The following DLG2 variants were observed in gnomAD, a reference collection of about 807,000 sequenced individuals.
DLG2 encodes the protein disks large homolog 2.
A neutral mutation model predicts 132.5 loss-of-function variants in DLG2; 45 were observed. The observed-to-expected ratio is 0.34, with a 90% CI of 0.27 to 0.44. The LOEUF (loss-of-function observed/expected upper bound fraction) is 0.44, where lower values mean the gene tolerates loss of function less well. Ranked by LOEUF, DLG2 falls within the 20% of genes least tolerant of loss-of-function variation. The probability of loss-of-function intolerance (pLI) is 1.00; values close to 1 mark genes in which losing one functional copy is unlikely to be tolerated. For synonymous variants in DLG2, 424 were observed against 419.6 expected, an observed-to-expected ratio of 1.01 and a Z score of -0.13; for missense variants, 1,045 against 1,196.9, an observed-to-expected ratio of 0.87 and a Z score of 1.87.
intron 6 of DLG2, among the ~76,000 whole-genome samples, chr11:84,576,193 A>G (rs1327953767): frequency 1.3e-5 from 2 of 152,194 alleles, no homozygotes; most frequent in African/African-American, 2.4e-5. Context: ...CACTTTTTCA[A>G]TATGGTTATC....
intron 3 of DLG2, among the ~76,000 whole-genome samples, chr11:85,535,250 GA>G (rs964013698): frequency 6.6e-6 from 1 of 151,058 alleles, no homozygotes; most frequent in African/African-American, 2.4e-5. Flanking sequence ...ACTTTGAGGA[GA>G]AAAAAGAAAA....
At chr11:84,988,154 C>T (rs2154123372) in intron 6 of DLG2, among the ~76,000 whole-genome samples, 1 of 152,304 alleles carries the variant, frequency 6.6e-6, no homozygotes, top group East Asian at 1.9e-4. Flanking sequence ...CTCAACGTCA[C>T]TAATGATCAG....
chr11:84,099,749 A>G (rs1446634468), intron 9 of DLG2, among the ~76,000 whole-genome samples: 1 of 147,564 alleles, frequency 6.8e-6, no homozygotes, highest in African/African-American at 2.5e-5. Context: ...GTATATATAT[A>G]TACATATATA....
At chr11:83,829,644 T>C (rs537401824) in intron 17 of DLG2, among the ~76,000 whole-genome samples, 63 of 152,350 alleles carry the variant, frequency 4.1e-4, no homozygotes, top group African/African-American at 1.5e-3. Context: ...GCTTTCCACA[T>C]TGTAATGTTT....
chr11:84,707,857 T>C (rs1014379379), intron 6 of DLG2, among the ~76,000 whole-genome samples: 2 of 151,860 alleles, frequency 1.3e-5, no homozygotes, highest in Non-Finnish European at 2.9e-5. Context: ...GCTTCTCCCT[T>C]TGCTCTTGGT....
intron 16 of DLG2, among the ~76,000 whole-genome samples, chr11:83,844,547 C>CA (rs59755957): frequency 0.032 from 2,243 of 70,392 alleles, 135 homozygotes; most frequent in African/African-American, 0.097. Context: ...GAGTCTGTAT[C>CA]AAAAAAAAAA....
At chr11:85,418,254 TGA>T (rs2090024980) in intron 3 of DLG2, among the ~76,000 whole-genome samples, 2 of 152,234 alleles carry the variant, frequency 1.3e-5, no homozygotes, top group African/African-American at 4.8e-5. Context: ...TGTGTGGTTT[TGA>T]GAGAGTTTCT....
At chr11:83,775,414 C>T (rs539661929) in intron 18 of DLG2, among the ~76,000 whole-genome samples, 4 of 152,278 alleles carry the variant, frequency 2.6e-5, no homozygotes, top group Admixed American at 6.5e-5. Context: ...TTTTTAACCT[C>T]GGGAAAACCA....
chr11:83,831,512 G>A (rs774121854), intron 17 of DLG2, among the ~76,000 whole-genome samples: 3 of 152,062 alleles, frequency 2.0e-5, no homozygotes, highest in Admixed American at 6.5e-5. Context: ...GGTAAACTGT[G>A]TGTGTGTGTG....
intron 6 of DLG2, among the ~76,000 whole-genome samples, chr11:84,635,699 T>C (rs1411747363): frequency 6.6e-6 from 1 of 152,154 alleles, no homozygotes; most frequent in African/African-American, 2.4e-5. Context: ...ACACATTATT[T>C]CACTTAATTC....
chr11:84,761,322 A>T (rs1231881339), intron 6 of DLG2, among the ~76,000 whole-genome samples: 1 of 152,196 alleles, frequency 6.6e-6, no homozygotes, highest in Non-Finnish European at 1.5e-5. Flanking sequence ...CTAAATGGTT[A>T]TGGGGACTTT....
chr11:85,193,095 C>A (rs752012324), intron 4 of DLG2, among the ~76,000 whole-genome samples: 3 of 152,156 alleles, frequency 2.0e-5, no homozygotes, highest in Non-Finnish European at 4.4e-5. Flanking sequence ...ATTCCCCCTT[C>A]CTCCAGGCCC....
chr11:85,420,759 C>T (rs1383212223), intron 3 of DLG2, among the ~76,000 whole-genome samples: 2 of 152,184 alleles, frequency 1.3e-5, no homozygotes, highest in Non-Finnish European at 2.9e-5. Context: ...CCTACTCAAG[C>T]TTCAGTAATG....
At chr11:83,674,978 A>G (rs1367654182) in intron 18 of DLG2, among the ~76,000 whole-genome samples, 1 of 152,232 alleles carries the variant, frequency 6.6e-6, no homozygotes, top group Non-Finnish European at 1.5e-5. Flanking sequence ...TTGCATTTGG[A>G]TGCCAGAAAA....
intron 6 of DLG2, among the ~76,000 whole-genome samples, chr11:84,878,116 A>C (rs1418538642): frequency 6.6e-6 from 1 of 152,180 alleles, no homozygotes; most frequent in East Asian, 1.9e-4. Flanking sequence ...TGTTTGCGGG[A>C]GTGCAAATTA....
chr11:85,146,456 A>T (rs1387263528), intron 5 of DLG2, among the ~76,000 whole-genome samples: 1 of 152,064 alleles, frequency 6.6e-6, no homozygotes, highest in African/African-American at 2.4e-5. Flanking sequence ...TGGCATATTT[A>T]GCCATGAAGG....
At chr11:85,056,299 A>T (rs1352451818) in intron 6 of DLG2, among the ~76,000 whole-genome samples, 2 of 152,044 alleles carry the variant, frequency 1.3e-5, no homozygotes. Flanking sequence ...AAAGTAGCAA[A>T]TTTCTCCAGA....
chr11:84,506,286 G>A (rs964329762), intron 7 of DLG2, among the ~76,000 whole-genome samples: 4 of 151,346 alleles, frequency 2.6e-5, no homozygotes, highest in Admixed American at 6.6e-5. Flanking sequence ...CGTTTTAGCC[G>A]GGATGGTCTC....
At position 85,582,621 on chromosome 11, in the gene DLG2, C is replaced by T. The variant is rs377047501; in HGVS notation, c.40+16036G>A. Among the ~76,000 whole-genome samples the T allele has an allele frequency of 2.7e-4, 30 of 112,682 alleles. No individual in the cohort carries two copies. The East Asian group carries it at 5.4e-3, about 20-fold the overall frequency. The allele number at this position is 112,682 out of a possible 152,430, so 73.9% of individuals were successfully genotyped here. A position where few individuals can be genotyped will look rare whatever the true frequency, so the allele number is the denominator to read the frequency against. On this transcript the variant is annotated intron_variant, in intron 3 of 27. Coordinates refer to ENST00000376104, the MANE Select transcript of DLG2 (RefSeq NM_001142699.3). ...GGTGGATCACTTGAGGTCAGGAGTT[C>T]GAGACCAGCCTGGGCAACATGGTGA... is the stretch of plus-strand genomic sequence containing the variant.
Sources: allele counts gnomAD v4.1 joint callset (sites outside exome capture counted in the v4.1 genomes callset), GRCh38; gene constraint gnomAD v4.1.1; transcripts MANE v1.5; gene names NCBI Gene and HGNC (gene_info 2026-07-23, HGNC 2026-07-21).